SBNO1: variants seen among roughly 807,000 people sequenced by gnomAD.
SBNO1 encodes strawberry notch homolog 1.
In SBNO1, 23 loss-of-function variants were observed where a neutral mutation model predicts 173.6. The observed-to-expected ratio is 0.13, with a 90% CI of 0.10 to 0.19. The LOEUF (loss-of-function observed/expected upper bound fraction) is 0.19. SBNO1 is among the 10% of genes least tolerant of loss of function. SBNO1 has a pLI of 1.00. For missense variants in SBNO1, 1,238 were observed against 1,671.2 expected (o/e 0.74, Z 4.52); for synonymous variants, 632 against 571.5 (o/e 1.11, Z -1.51).
At position 123,293,854 on chromosome 12, in the gene SBNO1, AC is replaced by A. The variant is rs1467848793; in HGVS notation, c.*2053del. On this transcript the variant is annotated 3_prime_UTR_variant, in exon 32 of 32. Transcript: ENST00000602398. Reference sequence around the variant, plus strand: ...GATCCTTCCCAACTCTGCCATTCTTACTGCAGGAGGGTTTGTAATGCTTCCC... The same window carrying A: ...GATCCTTCCCAACTCTGCCATTCTTATGCAGGAGGGTTTGTAATGCTTCCC... The A allele has an allele frequency of 1.3e-5, 2 of 152,238 alleles. No individual in the cohort carries two copies. The highest frequency in any genetic ancestry group is 2.9e-5 in the Non-Finnish European group (2 of 68,044). The allele number at this position is 152,238 out of a possible 1,614,324, so 9.4% of individuals were successfully genotyped here. A position where few individuals can be genotyped will look rare whatever the true frequency, so the allele number is the denominator to read the frequency against.
chr12:123,360,429 A>T (rs1458607651), intron 1 of SBNO1, among the ~76,000 whole-genome samples: 1 of 152,046 alleles, frequency 6.6e-6, no homozygotes, highest in Admixed American at 6.6e-5. Context: ...ACATATCTGT[A>T]GCTAAACTCT....
intron 4 of SBNO1, among the ~76,000 whole-genome samples, chr12:123,341,696 AT>A (rs552739871): frequency 9.4e-5 from 14 of 148,676 alleles, no homozygotes; most frequent in South Asian, 4.3e-4. Context: ...TAATTTTGTA[AT>A]TTTTTTTTTA....
chr12:123,314,000 C>T (rs1868951961), intron 23 of SBNO1, among the ~76,000 whole-genome samples: 1 of 151,654 alleles, frequency 6.6e-6, no homozygotes, highest in Non-Finnish European at 1.5e-5. Flanking sequence ...AGGAGAATTG[C>T]TTGAACCTAG....
Position 123,295,707 on chromosome 12 carries a change from GA to G in SBNO1, c.*200del. The stretch of plus-strand genomic sequence containing the variant: ...GGAATTATCAGGGGAGAAGCTAAAG[GA>G]AAGACATATGTACCACCATCAGCAC... On this transcript the variant is annotated 3_prime_UTR_variant, in exon 32 of 32. Coordinates refer to ENST00000602398, the MANE Select transcript of SBNO1 (RefSeq NM_001167856.3). 1 of 604,018 alleles carries G rather than the reference GA, an allele frequency of 1.7e-6. No homozygotes were observed. The highest frequency in any genetic ancestry group is 2.9e-6 in the Non-Finnish European group (1 of 343,332). 37.4% of individuals were successfully genotyped at this position (604,018 alleles called of 1,614,324 possible). A position where few individuals can be genotyped will look rare whatever the true frequency, so the allele number is the denominator to read the frequency against.
intron 16 of SBNO1, 66 bp from the exon 17 acceptor site, chr12:123,321,798 A>G: frequency 1.6e-6 from 2 of 1,239,978 alleles, no homozygotes; most frequent in South Asian, 2.5e-5. Flanking sequence ...AGTACATCAC[A>G]TTTAGTTCAT....
intron 31 of SBNO1, 58 bp from the exon 32 acceptor site, chr12:123,296,108 C>A: frequency 9.1e-7 from 1 of 1,103,500 alleles, no homozygotes; most frequent in Non-Finnish European, 1.4e-6. Flanking sequence ...CACTGTACAG[C>A]TTCACAGCAG....
chr12:123,342,273 A>C (rs1872656653), intron 4 of SBNO1, among the ~76,000 whole-genome samples: 1 of 151,762 alleles, frequency 6.6e-6, no homozygotes, highest in Admixed American at 6.6e-5. Flanking sequence ...TAATTAATTA[A>C]TTAAAATTTA....
chr12:123,358,157 C>T (rs1874682630), intron 1 of SBNO1, among the ~76,000 whole-genome samples: 4 of 152,190 alleles, frequency 2.6e-5, no homozygotes, highest in Non-Finnish European at 4.4e-5. Context: ...GTTTCATATA[C>T]ACCAGATACA....
chr12:123,302,009 C>T (rs904757018), intron 30 of SBNO1, among the ~76,000 whole-genome samples: 4 of 148,308 alleles, frequency 2.7e-5, no homozygotes, highest in East Asian at 4.1e-4. Flanking sequence ...GGTGCAATCT[C>T]GGCTCACCAC....
intron 14 of SBNO1, 53 bp from the exon 15 acceptor site, chr12:123,325,652 T>A: frequency 1.8e-6 from 2 of 1,129,800 alleles, no homozygotes; most frequent in Non-Finnish European, 2.6e-6. Flanking sequence ...TGTGGCTTCT[T>A]ACCAAGACAT....
chr12:123,363,968 TG>T (rs1293884890), intron 1 of SBNO1: 1 of 985,394 alleles, frequency 1.0e-6, no homozygotes, highest in East Asian at 1.1e-4. Context: ...TCCACTGCTT[TG>T]GGGAACTCTG....
At chr12:123,363,949 C>A in intron 1 of SBNO1, 1 of 985,486 alleles carries the variant, frequency 1.0e-6, no homozygotes. Flanking sequence ...TTCTGGGAAA[C>A]CACCGGTATC....
chr12:123,315,668 G>A lies in SBNO1; in HGVS notation c.2936-8C>T, dbSNP rs775872954. 1.1e-5 allele frequency: 17 copies of A among 1,535,976 alleles called. No homozygotes were observed. Among genetic ancestry groups the A allele is most frequent in the Admixed American group, 8.4e-5 (5 of 59,754 alleles). On this transcript the variant is annotated splice_polypyrimidine_tract_variant and splice_region_variant and intron_variant, in intron 21 of 31. Transcript: ENST00000602398. ...TTGATCTATGAGTACGTCCTGCAAC[G>A]AAATTTTGTTTTAAAGATCATTGAT...
In SBNO1 at chr12:123,318,737, CAA is replaced by C. The variant is rs56158087; in HGVS notation, c.2799+1161_2799+1162del. 3.0e-3 allele frequency among the ~76,000 whole-genome samples: 346 copies of C among 116,458 alleles called. 2 individuals carry two copies. Among genetic ancestry groups the C allele is most frequent in the African/African-American group, 8.0e-3 (212 of 26,666 alleles). 76.4% of individuals were successfully genotyped at this position (116,458 alleles called of 152,430 possible). On this transcript the variant is annotated intron_variant, in intron 20 of 31. Transcript: ENST00000602398. The stretch of plus-strand genomic sequence containing the variant: ...TGGGCAACAGAGTAAGACTCTGTCT[CAA>C]AAAAAAAAAAAAAAAGAGTCTCTGG...
chr12:123,340,885 C>G, intron 5 of SBNO1, 103 bp downstream of exon 5: 1 of 725,262 alleles, frequency 1.4e-6, no homozygotes, highest in Non-Finnish European at 2.3e-6. Flanking sequence ...AGCTTCTTCC[C>G]AACCCAAAAA....
At position 123,364,157 on chromosome 12, in the gene SBNO1, A is replaced by G; in HGVS notation, c.-1+544T>C. 3.0e-6 allele frequency: 3 copies of G among 985,516 alleles called. No individual in the cohort carries two copies. The South Asian group carries it at 1.4e-4, about 46-fold the overall frequency. 61.0% of individuals were successfully genotyped at this position (985,516 alleles called of 1,614,324 possible). A position where few individuals can be genotyped will look rare whatever the true frequency, so the allele number is the denominator to read the frequency against. On this transcript the variant is annotated intron_variant, in intron 1 of 31. Coordinates refer to ENST00000602398, the MANE Select transcript of SBNO1 (RefSeq NM_001167856.3). ...CCCCCGCGGCTTCCCCACCGCCCCA[A>G]GAGCGGGGCATGTACGAGACCGCGC...
At position 123,334,151 on chromosome 12, in the gene SBNO1, G is replaced by C; in HGVS notation, c.811C>G (p.Pro271Ala). ...VETSSLSSVTPPDVWYKTSIS... is the reference protein window; with the variant it reads ...VETSSLSSVTAPDVWYKTSIS... ...GATGTTTTGTACCAAACATCAGGAG[G>C]AGTAACACTGGATAAAGAGCTGGTT... is the stretch of plus-strand genomic sequence containing the variant. Residue 271 changes from proline (P) to alanine (A), a missense_variant, in exon 7 of 32, where the codon CCT becomes GCT. Pro to Ala is a conservative substitution (Grantham distance 27). This residue lies in a region of SBNO1 where 78 missense variants were observed against 103.3 expected (regional missense o/e 0.76). Coordinates refer to ENST00000602398, the MANE Select transcript of SBNO1 (RefSeq NM_001167856.3). 1 of 1,604,090 alleles carries C rather than the reference G, an allele frequency of 6.2e-7. No individual in the cohort carries two copies. The highest frequency in any genetic ancestry group is 8.5e-7 in the Non-Finnish European group (1 of 1,176,042).
At chr12:123,311,596 C>G (rs1293665552) in intron 24 of SBNO1, among the ~76,000 whole-genome samples, 5 of 151,870 alleles carry the variant, frequency 3.3e-5, no homozygotes, top group Admixed American at 3.3e-4. Context: ...CTCCGGAGAT[C>G]CACCCGGCTC....
Position 123,320,872 on chromosome 12 carries a change from T to C in SBNO1, c.2324-6A>G, listed in dbSNP as rs370935087. On this transcript the variant is annotated splice_region_variant and splice_polypyrimidine_tract_variant and intron_variant, in intron 17 of 31. Transcript: ENST00000602398. ...TTTTCTAATTAACCAGGGATCTGAGTGTTAAGGAAAGATACATGTCAAATC... is the reference window on the plus strand; with the variant it reads ...TTTTCTAATTAACCAGGGATCTGAGCGTTAAGGAAAGATACATGTCAAATC... The C allele has an allele frequency of 3.0e-5, 46 of 1,552,882 alleles. No individual in the cohort carries two copies. The highest frequency in any genetic ancestry group is 3.8e-5 in the Non-Finnish European group (44 of 1,149,660).
Sources: gnomAD v4.1 joint callset for allele counts (sites outside exome capture counted in the v4.1 genomes callset) on GRCh38, gnomAD v4.1.1 for gene constraint, gnomAD v4.1.1 regional missense constraint, MANE v1.5 for transcripts, NCBI Gene and HGNC (gene_info 2026-07-23, HGNC 2026-07-21) for gene names.